The following DOCK1 variants were observed in gnomAD, a reference collection of about 807,000 sequenced individuals.
The protein encoded by DOCK1 is dedicator of cytokinesis 1.
DOCK1 carries 138 observed loss-of-function variants against 262.7 expected under a neutral mutation model. That is an observed-to-expected ratio of 0.53 (90% CI 0.46 to 0.61). The LOEUF is 0.61. Among genes scored for constraint, DOCK1 ranks in the 20% least tolerant of loss-of-function variants. The pLI, the probability that DOCK1 is intolerant of heterozygous loss-of-function variation, is 0.00. For synonymous variants in DOCK1, 866 were observed against 867.4 expected (o/e 1.00, Z 0.03); for missense variants, 1,908 against 2,370.7 (o/e 0.80, Z 4.05).
At position 127,012,102 on chromosome 10, in the gene DOCK1, C is replaced by G; in HGVS notation, c.1059-130C>G. 1 of 628,302 alleles carries G rather than the reference C, an allele frequency of 1.6e-6. No homozygotes were observed. Among genetic ancestry groups the G allele is most frequent in the Non-Finnish European group, 2.9e-6 (1 of 344,126 alleles). The allele number at this position is 628,302 out of a possible 1,614,324, so 38.9% of individuals were successfully genotyped here. A position where few individuals can be genotyped will look rare whatever the true frequency, so the allele number is the denominator to read the frequency against. Reference sequence around the variant, plus strand: ...TCTTGTCACCTCTCCCATCCTTTGTCGTGCGTTGACTCATGATGCCTCCCT... The same window carrying G: ...TCTTGTCACCTCTCCCATCCTTTGTGGTGCGTTGACTCATGATGCCTCCCT... On this transcript the variant is annotated intron_variant, in intron 11 of 51. Coordinates refer to ENST00000623213, the MANE Select transcript of DOCK1 (RefSeq NM_001290223.2). This position sits in a 1 kb window ranked among gnomAD's most constrained non-coding sequence, Gnocchi z 4.0.
chr10:127,313,650 G>A (rs546488551), intron 29 of DOCK1, among the ~76,000 whole-genome samples: 1 of 152,164 alleles, frequency 6.6e-6, no homozygotes, highest in African/African-American at 2.4e-5. Context: ...CTCGTTCCTG[G>A]TCCTCACCCA....
At chr10:127,205,681 A>G (rs1278361284) in intron 27 of DOCK1, among the ~76,000 whole-genome samples, 1 of 152,214 alleles carries the variant, frequency 6.6e-6, no homozygotes, top group Admixed American at 6.5e-5. Flanking sequence ...TTTAAAGGAC[A>G]TTTTTAAACA....
At chr10:127,333,497 C>G (rs2135685892) in intron 29 of DOCK1, among the ~76,000 whole-genome samples, 1 of 152,322 alleles carries the variant, frequency 6.6e-6, no homozygotes, top group Non-Finnish European at 1.5e-5. Context: ...CGCTAAGTTC[C>G]CCTCAGCTCA....
intron 38 of DOCK1, among the ~76,000 whole-genome samples, chr10:127,392,848 C>T (rs956423485): frequency 6.6e-6 from 1 of 152,166 alleles, no homozygotes; most frequent in African/African-American, 2.4e-5. Context: ...CTAACACTAA[C>T]TTGACTTTAG....
chr10:126,974,025 G>C (rs1162668228), intron 2 of DOCK1, among the ~76,000 whole-genome samples: 1 of 152,132 alleles, frequency 6.6e-6, no homozygotes, highest in Admixed American at 6.5e-5. Context: ...GCTCACGAAG[G>C]CTTACAGCAT....
At position 127,100,311 on chromosome 10, in the gene DOCK1, C is replaced by A. The variant is rs1032818260; in HGVS notation, c.2446-5920C>A. On this transcript the variant is annotated intron_variant, in intron 23 of 51. Coordinates refer to ENST00000623213, the MANE Select transcript of DOCK1 (RefSeq NM_001290223.2). The surrounding 1 kb of genome is among the most constrained non-coding windows in gnomAD (Gnocchi z 5.5). The stretch of plus-strand genomic sequence containing the variant: ...TCCGGGGGGAGTTAACAGCCTGAAC[C>A]GAGGGCTCTGTCGCTGCCTAGAAGG... Among the ~76,000 whole-genome samples, 6 of 152,126 alleles carry A rather than the reference C, an allele frequency of 3.9e-5. No individual in the cohort carries two copies. In the East Asian group the frequency reaches 1.2e-3, roughly 30 times the overall value.
intron 29 of DOCK1, among the ~76,000 whole-genome samples, chr10:127,330,539 T>C (rs2062931737): frequency 6.6e-6 from 1 of 152,172 alleles, no homozygotes. Context: ...CCTCTAAAAC[T>C]TTAAAATAGA....
chr10:127,032,464 T>A, intron 18 of DOCK1, 144 bp downstream of exon 18: 2 of 823,134 alleles, frequency 2.4e-6, no homozygotes, highest in Non-Finnish European at 1.8e-6. Flanking sequence ...TGTGATGATT[T>A]ATCAATGCAT....
At chr10:127,374,581 C>T (rs557424766) in intron 35 of DOCK1, among the ~76,000 whole-genome samples, 2 of 152,250 alleles carry the variant, frequency 1.3e-5, no homozygotes, top group South Asian at 4.1e-4. Context: ...AAAGGTAGAG[C>T]AATACCCCAG....
intron 33 of DOCK1, among the ~76,000 whole-genome samples, chr10:127,370,306 T>A (rs2065137898): frequency 6.6e-6 from 1 of 152,154 alleles, no homozygotes; most frequent in African/African-American, 2.4e-5. Context: ...GCAGATCATG[T>A]CCATAGATTT....
intron 22 of DOCK1, among the ~76,000 whole-genome samples, chr10:127,061,024 T>G (rs2045496325): frequency 6.6e-6 from 1 of 151,690 alleles, no homozygotes; most frequent in Non-Finnish European, 1.5e-5. Context: ...AGGTCAGGAG[T>G]TCAAGACCAG....
At chr10:127,264,612 G>A (rs2060288340) in intron 29 of DOCK1, among the ~76,000 whole-genome samples, 1 of 152,072 alleles carries the variant, frequency 6.6e-6, no homozygotes, top group African/African-American at 2.4e-5. Flanking sequence ...TCACTGGTTG[G>A]TGAAAATGAT....
At chr10:127,018,656 T>G in intron 12 of DOCK1, 54 bp from the exon 13 acceptor site, 1 of 1,611,078 alleles carries the variant, frequency 6.2e-7, no homozygotes, top group Non-Finnish European at 8.5e-7. Context: ...TCGTGAAAAC[T>G]TCTAAAAATG....
At chr10:127,131,436 A>C (rs2050319066) in intron 27 of DOCK1, among the ~76,000 whole-genome samples, 1 of 152,202 alleles carries the variant, frequency 6.6e-6, no homozygotes, top group South Asian at 2.1e-4. Flanking sequence ...CTCTCAAAAA[A>C]ATTCTGAATA....
At chr10:127,028,733 C>T (rs116132866) in intron 16 of DOCK1, among the ~76,000 whole-genome samples, 2,265 of 152,250 alleles carry the variant, frequency 0.015, 57 homozygotes, top group African/African-American at 0.051. Flanking sequence ...CCAGCTAGGG[C>T]GTGGCAGCCT....
At chr10:127,209,159 CACA>C (rs1429632294) in intron 27 of DOCK1, among the ~76,000 whole-genome samples, 2 of 136,118 alleles carry the variant, frequency 1.5e-5, no homozygotes, top group Non-Finnish European at 1.6e-5. Flanking sequence ...TATTTCCATC[CACA>C]ACAAGTGGCA....
chr10:127,140,503 A>T (rs2051126713), intron 27 of DOCK1, among the ~76,000 whole-genome samples: 1 of 152,154 alleles, frequency 6.6e-6, no homozygotes, highest in African/African-American at 2.4e-5. Context: ...TGCGTGTGGG[A>T]TGACGCCCGT....
At chr10:127,020,030 C>G (rs2042301185) in intron 13 of DOCK1, among the ~76,000 whole-genome samples, 1 of 152,104 alleles carries the variant, frequency 6.6e-6, no homozygotes, top group Non-Finnish European at 1.5e-5. Context: ...TCTTTCAGGG[C>G]TGTTGTGGGT....
chr10:126,906,735 A>G (rs2030926503), intron 1 of DOCK1, among the ~76,000 whole-genome samples: 1 of 152,118 alleles, frequency 6.6e-6, no homozygotes, highest in Non-Finnish European at 1.5e-5. Context: ...ACTTTTGGGA[A>G]GCGCCCTGGC....
Sources: allele counts gnomAD v4.1 joint callset (sites outside exome capture counted in the v4.1 genomes callset), GRCh38; gene constraint gnomAD v4.1.1; non-coding constraint Gnocchi (gnomAD v3.1); transcripts MANE v1.5; gene names NCBI Gene and HGNC (gene_info 2026-07-23, HGNC 2026-07-21).